The following HSD17B12 variants were observed in gnomAD, a reference collection of about 807,000 sequenced individuals.
HSD17B12 encodes hydroxysteroid 17-beta dehydrogenase 12.
A neutral mutation model predicts 39.3 loss-of-function variants in HSD17B12; 32 were observed. That is an observed-to-expected ratio of 0.81 (90% confidence interval 0.61 to 1.09). The LOEUF (loss-of-function observed/expected upper bound fraction) is 1.09. HSD17B12 is among the 50% of genes least tolerant of loss of function. The pLI, the probability that HSD17B12 is intolerant of heterozygous loss-of-function variation, is 0.00. For synonymous variants in HSD17B12, 150 were observed against 146.7 expected (o/e 1.02, Z -0.16); for missense variants, 342 against 382.9 (o/e 0.89, Z 0.89).
At chr11:43,592,453 A>T in the HSD17B12 span, among the ~76,000 whole-genome samples, 12 of 152,188 alleles carry the variant, frequency 7.9e-5, no homozygotes, top group Non-Finnish European at 1.2e-4. Context: ...GAGTCCCAGA[A>T]TTACTCCAAA....
intron 3 of HSD17B12, among the ~76,000 whole-genome samples, chr11:43,759,802 A>G (rs1950540900): frequency 6.6e-6 from 1 of 151,868 alleles, no homozygotes; most frequent in African/African-American, 2.4e-5. Flanking sequence ...AATATGGCTC[A>G]CTGTGACCTC....
chr11:43,572,356 T>C, the HSD17B12 span, among the ~76,000 whole-genome samples: 1 of 152,168 alleles, frequency 6.6e-6, no homozygotes, highest in Admixed American at 6.5e-5. Flanking sequence ...TTAGGAGGAA[T>C]AGATCAGTCT....
chr11:43,582,390 T>C, the HSD17B12 span, among the ~76,000 whole-genome samples: 1 of 152,118 alleles, frequency 6.6e-6, no homozygotes, highest in Non-Finnish European at 1.5e-5. Context: ...CCTCCACTCA[T>C]TGCAGTCCTG....
At chr11:43,675,748 GAT>G (rs1446420642), upstream of HSD17B12, among the ~76,000 whole-genome samples, 1 of 152,100 alleles carries the variant, frequency 6.6e-6, no homozygotes, top group Non-Finnish European at 1.5e-5. Context: ...GGCCAGTCAA[GAT>G]ATATTTTGGA....
chr11:43,852,186 C>G (rs1288229167), intron 9 of HSD17B12: 1 of 152,182 alleles, frequency 6.6e-6, no homozygotes, highest in African/African-American at 2.4e-5. Flanking sequence ...TGGGGGTTCT[C>G]TAGACTAGCT....
chr11:43,697,017 G>T (rs1343003134), intron 1 of HSD17B12, among the ~76,000 whole-genome samples: 1 of 151,806 alleles, frequency 6.6e-6, no homozygotes, highest in Non-Finnish European at 1.5e-5. Flanking sequence ...GTTGCGGGGG[G>T]TGGGAGGCAA....
At chr11:43,634,985 G>A in the HSD17B12 span, among the ~76,000 whole-genome samples, 102,967 of 152,022 alleles carry the variant, frequency 0.68, 35,168 homozygotes, top group East Asian at 0.81. Context: ...CTTTGTGGTT[G>A]TGTAGGAAAA....
At chr11:43,758,563 G>A (rs138595917) in intron 3 of HSD17B12, among the ~76,000 whole-genome samples, 156 of 152,284 alleles carry the variant, frequency 1.0e-3, no homozygotes, top group African/African-American at 3.7e-3. Context: ...ATGTTAGCAA[G>A]GTGAACTCCA....
intron 1 of HSD17B12, among the ~76,000 whole-genome samples, chr11:43,729,085 A>AAGGTG (rs1950246220): frequency 6.6e-6 from 1 of 152,178 alleles, no homozygotes; most frequent in Non-Finnish European, 1.5e-5. Flanking sequence ...GCCACATACC[A>AAGGTG]GCATCTTAAA....
the HSD17B12 span, among the ~76,000 whole-genome samples, chr11:43,650,145 A>G: frequency 1.3e-5 from 2 of 152,344 alleles, no homozygotes; most frequent in Admixed American, 6.5e-5. Flanking sequence ...CATGACAGAT[A>G]ACAGGAACAA....
chr11:43,741,828 G>T (rs1406999888), intron 1 of HSD17B12, among the ~76,000 whole-genome samples: 3 of 148,832 alleles, frequency 2.0e-5, no homozygotes, highest in Non-Finnish European at 3.0e-5. Flanking sequence ...CCCCCTCTTG[G>T]GTTCACTCCA....
the HSD17B12 span, among the ~76,000 whole-genome samples, chr11:43,612,316 A>G: frequency 6.6e-6 from 1 of 152,184 alleles, no homozygotes; most frequent in Non-Finnish European, 1.5e-5. Context: ...CAGAGCGGGT[A>G]CTTAGGTGAA....
chr11:43,653,698 G>T, the HSD17B12 span, among the ~76,000 whole-genome samples: 25,053 of 152,020 alleles, frequency 0.16, 2,585 homozygotes, highest in Middle Eastern at 0.27. Context: ...ATGGTTTCCA[G>T]CTTCATCCAT....
chr11:43,625,440 A>T, the HSD17B12 span, among the ~76,000 whole-genome samples: 8 of 151,660 alleles, frequency 5.3e-5, no homozygotes, highest in East Asian at 1.5e-3. Context: ...ACAATAGATA[A>T]TTCTGACATA....
At chr11:43,775,385 T>C (rs997102858) in intron 3 of HSD17B12, among the ~76,000 whole-genome samples, 1 of 152,172 alleles carries the variant, frequency 6.6e-6, no homozygotes, top group Non-Finnish European at 1.5e-5. Context: ...GAGCGACAGA[T>C]GCAGGTTTTG....
intron 3 of HSD17B12, among the ~76,000 whole-genome samples, chr11:43,775,359 G>C (rs1437638730): frequency 6.6e-6 from 1 of 152,128 alleles, no homozygotes; most frequent in East Asian, 1.9e-4. Flanking sequence ...CATACTCCTA[G>C]GATCACATTG....
chr11:43,681,473 A>C (rs1166668887), intron 1 of HSD17B12: 1 of 152,726 alleles, frequency 6.5e-6, no homozygotes, highest in Non-Finnish European at 1.5e-5. Context: ...GTAGGGACAC[A>C]ATTTCAGAAG....
At chr11:43,770,016 G>A (rs1041821157) in intron 3 of HSD17B12, among the ~76,000 whole-genome samples, 1 of 152,006 alleles carries the variant, frequency 6.6e-6, no homozygotes, top group Non-Finnish European at 1.5e-5. Flanking sequence ...GTGTCTCTAC[G>A]TGCCTAGCCC....
At chr11:43,840,801 T>A (rs1469749678) in intron 9 of HSD17B12, among the ~76,000 whole-genome samples, 1 of 152,224 alleles carries the variant, frequency 6.6e-6, no homozygotes. Flanking sequence ...TGTTTCTACC[T>A]GTTGGGTATT....
Sources: gnomAD v4.1 joint callset for allele counts (sites outside exome capture counted in the v4.1 genomes callset) on GRCh38, gnomAD v4.1.1 for gene constraint, MANE v1.5 for transcripts, NCBI Gene and HGNC (gene_info 2026-07-23, HGNC 2026-07-21) for gene names.